RHD: variants seen among roughly 807,000 people sequenced by gnomAD.
RHD encodes blood group Rh(D) polypeptide.
RHD carries 16 observed loss-of-function variants against 45.5 expected under a neutral mutation model. The ratio of observed to expected loss-of-function variants is 0.35; its 90% CI spans 0.24 to 0.53. RHD has a LOEUF of 0.53. Ranked by LOEUF, RHD falls within the 20% of genes least tolerant of loss-of-function variation. The probability of loss-of-function intolerance (pLI) is 0.92; values close to 1 mark genes in which losing one functional copy is unlikely to be tolerated. For synonymous variants in RHD, 131 were observed against 217.5 expected (o/e 0.60, Z 3.50); for missense variants, 306 against 532.0 (o/e 0.58, Z 4.18).
intron 3 of RHD, among the ~76,000 whole-genome samples, chr1:25,298,349 C>T (rs1419108307): frequency 2.4e-5 from 3 of 126,912 alleles, no homozygotes; most frequent in African/African-American, 7.8e-5. Flanking sequence ...CATCATCTCT[C>T]TTCTCTGCAT....
chr1:25,272,917 T>C (rs1308695530), intron 1 of RHD, among the ~76,000 whole-genome samples: 1 of 132,112 alleles, frequency 7.6e-6, no homozygotes, highest in Non-Finnish European at 1.8e-5. Flanking sequence ...TGCCTTGATT[T>C]TTCAGCACAG....
In RHD at chr1:25,314,208, AT is replaced by A. The variant is rs1438368109; in HGVS notation, c.1074-2791del. Among the ~76,000 whole-genome samples, 2 of 133,160 alleles carry A rather than the reference AT, an allele frequency of 1.5e-5. 1 individual carries two copies. Among genetic ancestry groups the A allele is most frequent in the Non-Finnish European group, 3.6e-5 (2 of 56,186 alleles). The allele number at this position is 133,160 out of a possible 152,430, so 87.4% of individuals were successfully genotyped here. ...GCGCCAATCTAATCACCAGTAGTGT[AT>A]AGAAGCTCCTTTTACTCCACATTTT... On this transcript the variant is annotated intron_variant, in intron 7 of 9. Transcript: ENST00000328664.
rs577296090 is a variant in RHD, at chr1:25,282,472, A to T, written c.149-2101A>T. Among the ~76,000 whole-genome samples, 76 of 131,656 alleles carry T rather than the reference A, an allele frequency of 5.8e-4. 10 individuals carry two copies. Among genetic ancestry groups the T allele is most frequent in the Middle Eastern group, 4.0e-3 (1 of 248 alleles). The allele number at this position is 131,656 out of a possible 152,430, so 86.4% of individuals were successfully genotyped here. Reference sequence around the variant, plus strand: ...CTAGTCTCGAACTGCTGACTTCATGATCTGCCCACCTCATCCTCCTAAATT... The same window carrying T: ...CTAGTCTCGAACTGCTGACTTCATGTTCTGCCCACCTCATCCTCCTAAATT... On this transcript the variant is annotated intron_variant, in intron 1 of 9. Coordinates refer to ENST00000328664, the MANE Select transcript of RHD (RefSeq NM_016124.6).
At position 25,313,627 on chromosome 1, in the gene RHD, C is replaced by G. The variant is rs867420771; in HGVS notation, c.1074-3373C>G. Reference sequence around the variant, plus strand: ...TCCCCTGTAAACAAGAGGCAGAACACGTCATGCAGGGCCACACAAAACTGT... The same window carrying G: ...TCCCCTGTAAACAAGAGGCAGAACAGGTCATGCAGGGCCACACAAAACTGT... On this transcript the variant is annotated intron_variant, in intron 7 of 9. Coordinates refer to ENST00000328664, the MANE Select transcript of RHD (RefSeq NM_016124.6). Among the ~76,000 whole-genome samples, 18 of 131,898 alleles carry G rather than the reference C, an allele frequency of 1.4e-4. 4 individuals carry two copies. The highest frequency in any genetic ancestry group is 4.1e-4 in the African/African-American group (16 of 38,656). 86.5% of individuals were successfully genotyped at this position (131,898 alleles called of 152,430 possible). A position where few individuals can be genotyped will look rare whatever the true frequency, so the allele number is the denominator to read the frequency against.
Position 25,282,486 on chromosome 1 carries a change from T to A in RHD, c.149-2087T>A, listed in dbSNP as rs576450243. On this transcript the variant is annotated intron_variant, in intron 1 of 9. Coordinates refer to ENST00000328664, the MANE Select transcript of RHD (RefSeq NM_016124.6). Reference sequence around the variant, plus strand: ...CTGACTTCATGATCTGCCCACCTCATCCTCCTAAATTGGTATCTTTATATG... The same window carrying A: ...CTGACTTCATGATCTGCCCACCTCAACCTCCTAAATTGGTATCTTTATATG... Among the ~76,000 whole-genome samples, 33 of 131,758 alleles carry A rather than the reference T, an allele frequency of 2.5e-4. 2 individuals are homozygous for A. The East Asian group carries it at 5.7e-3, about 23-fold the overall frequency. The allele number at this position is 131,758 out of a possible 152,430, so 86.4% of individuals were successfully genotyped here.
At position 25,303,452 on chromosome 1, in the gene RHD, A is replaced by G. The variant is rs590787; in HGVS notation, c.932A>G (p.Tyr311Cys). The stretch of plus-strand genomic sequence containing the variant: ...CTGATCTCCGTCGGGGGAGCCAAGT[A>G]CCTGCCGGTAAGAAACTAGACAACT... Reference protein sequence around the residue: ...AGLISVGGAKYLPGCCNRVLG... With the variant: ...AGLISVGGAKCLPGCCNRVLG... The change falls in exon 6 of 10, where the codon TAC becomes TGC. Residue 311 changes from tyrosine to cysteine, a missense_variant. Physicochemically the swap from Tyr to Cys is radical, Grantham distance 194 (BLOSUM62 -2). Coordinates refer to ENST00000328664, the MANE Select transcript of RHD (RefSeq NM_016124.6). 6.8e-5 allele frequency: 93 copies of G among 1,376,542 alleles called. 18 individuals carry two copies. Among genetic ancestry groups the G allele is most frequent in the South Asian group, 2.5e-4 (21 of 84,758 alleles). The allele number at this position is 1,376,542 out of a possible 1,614,324, so 85.3% of individuals were successfully genotyped here.
intron 7 of RHD, among the ~76,000 whole-genome samples, chr1:25,311,913 C>A (rs1197393124): frequency 1.5e-5 from 2 of 131,176 alleles, no homozygotes; most frequent in Non-Finnish European, 3.6e-5. Context: ...GTGCTGTGAA[C>A]AGCCACCCCA....
rs185118817 is a variant in RHD, at chr1:25,305,624, G to A, written c.940-972G>A. On this transcript the variant is annotated intron_variant, in intron 6 of 9. Coordinates refer to ENST00000328664, the MANE Select transcript of RHD (RefSeq NM_016124.6). ...TTGTTGTTGTTGTTGTTGTTGAGAC[G>A]GTGTCTCGCTCTTTTGCCCAGGCTG... Among the ~76,000 whole-genome samples, 18 of 121,108 alleles carry A rather than the reference G, an allele frequency of 1.5e-4. 4 individuals are homozygous for A. Among genetic ancestry groups the A allele is most frequent in the Admixed American group, 5.6e-4 (7 of 12,538 alleles). The allele number at this position is 121,108 out of a possible 152,430, so 79.5% of individuals were successfully genotyped here.
chr1:25,286,646 C>T (rs1473327731), intron 2 of RHD, among the ~76,000 whole-genome samples: 5 of 133,916 alleles, frequency 3.7e-5, no homozygotes, highest in East Asian at 1.9e-4. Flanking sequence ...ATTAGCCGGG[C>T]GTGGTGGTGG....
At chr1:25,305,736 G>T (rs1643770421) in intron 6 of RHD, among the ~76,000 whole-genome samples, 1 of 130,008 alleles carries the variant, frequency 7.7e-6, no homozygotes, top group Admixed American at 7.5e-5. Context: ...GAGTAGCTGG[G>T]TCTACAGGCG....
intron 3 of RHD, among the ~76,000 whole-genome samples, chr1:25,295,850 A>ATT (rs61131306): frequency 2.5e-5 from 2 of 81,306 alleles, no homozygotes; most frequent in African/African-American, 8.6e-5. Context: ...AATATGGGAA[A>ATT]TTTTTTTTTT....
At chr1:25,276,855 T>C (rs1223249292) in intron 1 of RHD, among the ~76,000 whole-genome samples, 1 of 132,404 alleles carries the variant, frequency 7.6e-6, no homozygotes, top group East Asian at 1.9e-4. Flanking sequence ...TCACGAGGTC[T>C]GGAGATGGAG....
chr1:25,290,762 C>A lies in RHD; in HGVS notation c.457C>A (p.Leu153Met). The change falls in exon 3 of 10, where the codon CTG (leucine) becomes ATG (methionine). Residue 153 changes from leucine to methionine, a missense_variant. By Grantham distance (15) the Leu-to-Met change is conservative. Coordinates refer to ENST00000328664, the MANE Select transcript of RHD (RefSeq NM_016124.6). ...VLVEVTALGN[L>M]RMVISNIFNT... ...GGTGGAGGTGACAGCTTTAGGCAACCTGAGGATGGTCATCAGTAATATCTT... is the reference window on the plus strand; with the variant it reads ...GGTGGAGGTGACAGCTTTAGGCAACATGAGGATGGTCATCAGTAATATCTT... The A allele has an allele frequency of 7.3e-7, 1 of 1,377,084 alleles. No individual in the cohort carries two copies. 85.3% of individuals were successfully genotyped at this position (1,377,084 alleles called of 1,614,324 possible).
At chr1:25,288,805 C>T (rs1247509153) in intron 2 of RHD, among the ~76,000 whole-genome samples, 5 of 126,778 alleles carry the variant, frequency 3.9e-5, no homozygotes, top group Admixed American at 3.1e-4. Context: ...AATGAAATAC[C>T]GCCGCCGGCA....
At chr1:25,289,587 G>A (rs529173399) in intron 2 of RHD, among the ~76,000 whole-genome samples, 5 of 127,820 alleles carry the variant, frequency 3.9e-5, no homozygotes, top group Admixed American at 3.8e-4. Flanking sequence ...TGTTGCTGTG[G>A]TTGTAGCATC....
intron 7 of RHD, among the ~76,000 whole-genome samples, chr1:25,315,097 G>A (rs1378861478): frequency 7.8e-6 from 1 of 128,050 alleles, no homozygotes; most frequent in Admixed American, 7.6e-5. Context: ...TCAGCTACTC[G>A]GGAGGCTGAG....
chr1:25,286,357 T>C (rs1287509760), intron 2 of RHD, among the ~76,000 whole-genome samples: 1 of 134,828 alleles, frequency 7.4e-6, no homozygotes, highest in African/African-American at 2.6e-5. Context: ...GGCGTGGTGG[T>C]GTGCACCCAC....
Position 25,289,153 on chromosome 1 carries a change from T to C in RHD, c.336-1488T>C, listed in dbSNP as rs1423568961. ...ATCCTCTACGTGACCCTCTGTAAAATGGGATACTGAATGGTGAGCTAGCAC... is the reference window on the plus strand; with the variant it reads ...ATCCTCTACGTGACCCTCTGTAAAACGGGATACTGAATGGTGAGCTAGCAC... On this transcript the variant is annotated intron_variant, in intron 2 of 9. Coordinates refer to ENST00000328664, the MANE Select transcript of RHD (RefSeq NM_016124.6). Among the ~76,000 whole-genome samples the C allele has an allele frequency of 1.5e-5, 2 of 131,978 alleles. 1 individual carries two copies. The highest frequency in any genetic ancestry group is 3.6e-5 in the Non-Finnish European group (2 of 55,706). The allele number at this position is 131,978 out of a possible 152,430, so 86.6% of individuals were successfully genotyped here. A position where few individuals can be genotyped will look rare whatever the true frequency, so the allele number is the denominator to read the frequency against.
At chr1:25,312,017 G>T (rs1230791175) in intron 7 of RHD, among the ~76,000 whole-genome samples, 1 of 117,572 alleles carries the variant, frequency 8.5e-6, no homozygotes, top group East Asian at 2.0e-4. Context: ...TGCAATGCCA[G>T]CTTGGGAGAA....
Sources: allele counts gnomAD v4.1 joint callset (sites outside exome capture counted in the v4.1 genomes callset), GRCh38; gene constraint gnomAD v4.1.1; transcripts MANE v1.5; gene names NCBI Gene and HGNC (gene_info 2026-07-23, HGNC 2026-07-21).